Variants in TRAP1 observed in about 807,000 individuals in gnomAD.
TRAP1 encodes TNF receptor associated protein 1.
A neutral mutation model predicts 89.1 loss-of-function variants in TRAP1; 102 were observed. The observed-to-expected ratio is 1.15, with a 90% CI of 0.98 to 1.35. The LOEUF is 1.35. Among genes scored for constraint, TRAP1 ranks in the 40% most tolerant of loss-of-function variants. The probability of loss-of-function intolerance (pLI) is 0.00; values close to 1 mark genes in which losing one functional copy is unlikely to be tolerated. For synonymous variants in TRAP1, 508 were observed against 388.0 expected (o/e 1.31, Z -3.64); for missense variants, 1,256 against 945.3 (o/e 1.33, Z -4.31).
chr16:3,667,455 C>G (rs1417124806), intron 11 of TRAP1, among the ~76,000 whole-genome samples: 1 of 151,708 alleles, frequency 6.6e-6, no homozygotes, highest in African/African-American at 2.4e-5. Context: ...AAGCCCCCGT[C>G]TCTACTAAAA....
chr16:3,682,934 C>A (rs923658765), intron 4 of TRAP1, among the ~76,000 whole-genome samples: 1 of 151,788 alleles, frequency 6.6e-6, no homozygotes, highest in African/African-American at 2.4e-5. Flanking sequence ...TTTGGGAGGC[C>A]GAGGCAGGCA....
intron 1 of TRAP1, among the ~76,000 whole-genome samples, chr16:3,702,523 G>T (rs547075405): frequency 9.9e-5 from 15 of 150,996 alleles, no homozygotes; most frequent in Non-Finnish European, 2.1e-4. Context: ...CAGGCAGATC[G>T]CTTGAGCCCA....
intron 1 of TRAP1, among the ~76,000 whole-genome samples, chr16:3,714,086 C>G (rs535314609): frequency 1.3e-5 from 2 of 152,326 alleles, no homozygotes; most frequent in East Asian, 3.9e-4. Flanking sequence ...TTCCTCCCTC[C>G]CCTCCAGTGA....
At chr16:3,693,896 G>C (rs957312747) in intron 1 of TRAP1, among the ~76,000 whole-genome samples, 1 of 152,026 alleles carries the variant, frequency 6.6e-6, no homozygotes, top group Non-Finnish European at 1.5e-5. Flanking sequence ...GTGAGGCTGA[G>C]GTGGGAAGAT....
Position 3,674,398 on chromosome 16 carries a change from G to A in TRAP1, c.985C>T (p.Leu329=). ...AQAHDKPRYT[L]HYKTDAPLNI... ...AGCGGTGCGTCCGTCTTATAGTGCA[G>A]GGTGTAGCGGGGCTTGTCGTGAGCC... The change falls in exon 9 of 18, where the codon CTG becomes TTG. Residue 329 remains leucine, a synonymous_variant. Transcript: ENST00000246957. The A allele has an allele frequency of 1.2e-6, 2 of 1,614,150 alleles. No individual in the cohort carries two copies. The highest frequency in any genetic ancestry group is 1.7e-6 in the Non-Finnish European group (2 of 1,180,040).
intron 11 of TRAP1, among the ~76,000 whole-genome samples, chr16:3,666,811 T>A (rs929685706): frequency 2.6e-5 from 4 of 152,176 alleles, no homozygotes; most frequent in African/African-American, 9.7e-5. Context: ...AAAATTGGGA[T>A]TTTAGGGATC....
chr16:3,710,879 A>ATATTTTTTTTTTTTTT (rs71133652), intron 1 of TRAP1, among the ~76,000 whole-genome samples: 1 of 125,834 alleles, frequency 7.9e-6, no homozygotes, highest in African/African-American at 3.3e-5. Flanking sequence ...ATATATATAT[A>ATATTTTTTTTTTTTTT]TTTTTTTTTT....
chr16:3,710,880 T>TATATATATATATA lies in TRAP1; in HGVS notation c.88+6540_88+6541insTATATATATATAT, dbSNP rs1555468286. On this transcript the variant is annotated intron_variant, in intron 1 of 17. Coordinates refer to ENST00000246957, the MANE Select transcript of TRAP1 (RefSeq NM_016292.3). ...GTGTATATATATATATATATATATA[T>TATATATATATATA]TTTTTTTTTTGAGACACTGTCACTC... 7.8e-5 allele frequency among the ~76,000 whole-genome samples: 7 copies of TATATATATATATA among 89,500 alleles called. No individual in the cohort carries two copies. The East Asian group carries it at 3.0e-3, about 39-fold the overall frequency. The allele number at this position is 89,500 out of a possible 152,430, so 58.7% of individuals were successfully genotyped here.
Position 3,677,664 on chromosome 16 carries a change from G to A in TRAP1, c.544-6C>T. The stretch of plus-strand genomic sequence containing the variant: ...TGCAGAGCATCCAGGAAGGCCTGTG[G>A]GGCAGAGGCCAGTTAGTGAGGCAGC... On this transcript the variant is annotated splice_polypyrimidine_tract_variant and splice_region_variant and intron_variant, in intron 5 of 17. Coordinates refer to ENST00000246957, the MANE Select transcript of TRAP1 (RefSeq NM_016292.3). 1.9e-6 allele frequency: 3 copies of A among 1,612,530 alleles called. No homozygotes were observed. The highest frequency in any genetic ancestry group is 3.3e-5 in the Admixed American group (2 of 59,920).
At chr16:3,663,880 T>G (rs1379326740) in intron 13 of TRAP1, 2 of 369,828 alleles carry the variant, frequency 5.4e-6, no homozygotes. Flanking sequence ...GAGACCAACA[T>G]GGTGAAATGC....
At chr16:3,712,716 G>A (rs1173295646) in intron 1 of TRAP1, among the ~76,000 whole-genome samples, 1 of 152,182 alleles carries the variant, frequency 6.6e-6, no homozygotes, top group Non-Finnish European at 1.5e-5. Context: ...CCAGGTTCAA[G>A]CAATTCTCGT....
chr16:3,668,810 C>G (rs528171784), intron 11 of TRAP1, among the ~76,000 whole-genome samples: 1 of 152,192 alleles, frequency 6.6e-6, no homozygotes, highest in Non-Finnish European at 1.5e-5. Context: ...TGAGGACTCA[C>G]GGCTCCCCTC....
intron 1 of TRAP1, among the ~76,000 whole-genome samples, chr16:3,697,808 GAGA>G (rs2051310100): frequency 7.0e-6 from 1 of 143,596 alleles, no homozygotes; most frequent in South Asian, 2.2e-4. Context: ...TTTTTTCCTC[GAGA>G]AGGTCTTGCT....
chr16:3,658,927 T>C, intron 16 of TRAP1, 62 bp from the exon 17 acceptor site: 1 of 1,549,578 alleles, frequency 6.5e-7, no homozygotes, highest in Non-Finnish European at 8.9e-7. Flanking sequence ...CCTCCCTTCA[T>C]GTTTTGGGAT....
At chr16:3,662,379 T>A in intron 15 of TRAP1, 1 of 588,242 alleles carries the variant, frequency 1.7e-6, no homozygotes, top group Non-Finnish European at 3.0e-6. Context: ...CTCCAGGAGC[T>A]GCCCGAATCC....
intron 1 of TRAP1, among the ~76,000 whole-genome samples, chr16:3,715,034 C>G (rs72760814): frequency 1.3e-5 from 2 of 152,126 alleles, no homozygotes; most frequent in African/African-American, 2.4e-5. Flanking sequence ...GGGCACCTGC[C>G]ACGCAGAAGG....
At chr16:3,679,503 C>A (rs2051045497) in intron 5 of TRAP1, among the ~76,000 whole-genome samples, 1 of 152,110 alleles carries the variant, frequency 6.6e-6, no homozygotes, top group East Asian at 1.9e-4. Context: ...ACTTTGCTAT[C>A]CAAGGGGGGT....
chr16:3,698,832 G>A (rs1402207034), intron 1 of TRAP1, among the ~76,000 whole-genome samples: 1 of 151,846 alleles, frequency 6.6e-6, no homozygotes, highest in Non-Finnish European at 1.5e-5. Flanking sequence ...GTTGCAGTGA[G>A]CCAAGATCAC....
chr16:3,717,513 T>C lies in TRAP1; in HGVS notation c.-5A>G. On this transcript the variant is annotated 5_prime_UTR_variant, in exon 1 of 18. Coordinates refer to ENST00000246957, the MANE Select transcript of TRAP1 (RefSeq NM_016292.3). ...CGCCCGCAGCTCGCGCGCCATGTCG[T>C]ACTCCCAGAGCGCCGCGCGCAGCCA... The C allele has an allele frequency of 7.4e-7, 1 of 1,357,800 alleles. No homozygotes were observed. The highest frequency in any genetic ancestry group is 9.5e-7 in the Non-Finnish European group (1 of 1,056,110). 84.1% of individuals were successfully genotyped at this position (1,357,800 alleles called of 1,614,324 possible).
Sources: gnomAD v4.1 joint callset for allele counts (sites outside exome capture counted in the v4.1 genomes callset) on GRCh38, gnomAD v4.1.1 for gene constraint, MANE v1.5 for transcripts, NCBI Gene and HGNC (gene_info 2026-07-23, HGNC 2026-07-21) for gene names.